The following GDF1 variants were observed in gnomAD, a reference collection of about 807,000 sequenced individuals.
The protein encoded by GDF1 is growth differentiation factor 1, also known as embryonic growth/differentiation factor 1.
In GDF1, 8 loss-of-function variants were observed where a neutral mutation model predicts 7.4. That is an observed-to-expected ratio of 1.09 (90% CI 0.64 to 1.96). The LOEUF is 1.96. Ranked by LOEUF, GDF1 falls within the 30% of genes most tolerant of loss-of-function variation. The probability of loss-of-function intolerance (pLI) is 0.00; values close to 1 mark genes in which losing one functional copy is unlikely to be tolerated. For synonymous variants in GDF1, 311 were observed against 276.7 expected (o/e 1.12, Z -1.23); for missense variants, 574 against 551.5 (o/e 1.04, Z -0.41).
Position 18,869,221 on chromosome 19 carries a change from C to T in GDF1, c.495G>A (p.Leu165=), listed in dbSNP as rs779370447. ...AAAAPEGGWE[L]SVAQAGQGAG... is the part of the protein sequence containing the mutation. The stretch of plus-strand genomic sequence containing the variant: ...CGCCCTGGCCCGCTTGCGCCACGCT[C>T]AGCTCCCAGCCGCCCTCCGGGGCTG... The change falls in exon 8 of 8, where the codon CTG becomes CTA. Residue 165 remains leucine, a synonymous_variant. Transcript: ENST00000247005. 9 of 1,355,188 alleles carry T rather than the reference C, an allele frequency of 6.6e-6. No individual in the cohort carries two copies. In the South Asian group the frequency reaches 1.4e-4, roughly 21 times the overall value. The allele number at this position is 1,355,188 out of a possible 1,614,324, so 83.9% of individuals were successfully genotyped here. A position where few individuals can be genotyped will look rare whatever the true frequency, so the allele number is the denominator to read the frequency against.
intron 4 of GDF1, 67 bp from the exon 5 acceptor site, chr19:18,879,455 T>TC: frequency 6.5e-7 from 1 of 1,527,226 alleles, no homozygotes; most frequent in African/African-American, 1.4e-5. Context: ...CCCTGTCCTA[T>TC]CCCGTCCTAG....
Position 18,878,095 on chromosome 19 carries a change from T to A in GDF1, c.-313+835A>T, listed in dbSNP as rs2056096971. ...ACGTCACGGAGCTCTGAGCCACTGC[T>A]TCCCTGAAACCATCGTTCCCACGTC... On this transcript the variant is annotated intron_variant, in intron 6 of 7. Coordinates refer to ENST00000247005, the MANE Select transcript of GDF1 (RefSeq NM_001492.6). This position sits in a 1 kb window ranked among gnomAD's most constrained non-coding sequence, Gnocchi z 4.6. 4.1e-6 allele frequency: 4 copies of A among 985,470 alleles called. No individual in the cohort carries two copies. The South Asian group carries it at 1.4e-4, about 35-fold the overall frequency. 61.0% of individuals were successfully genotyped at this position (985,470 alleles called of 1,614,324 possible).
Position 18,878,887 on chromosome 19 carries a change from C to T in GDF1, c.-313+43G>A. 6.2e-7 allele frequency: 1 copy of T among 1,604,700 alleles called. No individual in the cohort carries two copies. Among genetic ancestry groups the T allele is most frequent in the Non-Finnish European group, 8.5e-7 (1 of 1,176,250 alleles). ...CCCACGAACACGCTTGGACGGGTGACACTAAAGGAGGGAACGCGGGGTGCG... is the reference window on the plus strand; with the variant it reads ...CCCACGAACACGCTTGGACGGGTGATACTAAAGGAGGGAACGCGGGGTGCG... On this transcript the variant is annotated intron_variant, in intron 6 of 7. Transcript: ENST00000247005. The surrounding 1 kb of genome is among the most constrained non-coding windows in gnomAD (Gnocchi z 4.6).
intron 2 of GDF1, among the ~76,000 whole-genome samples, chr19:18,885,695 T>C (rs1324863484): frequency 2.0e-5 from 3 of 151,280 alleles, no homozygotes; most frequent in South Asian, 2.1e-4. Flanking sequence ...AATTTTTTTT[T>C]TTTTCAGTAG....
Position 18,868,669 on chromosome 19 carries a change from GAA to G in GDF1, c.1045_1046del (p.Phe349LeufsTer2). On this transcript the variant is annotated frameshift_variant, in exon 8 of 8. Coordinates refer to ENST00000247005, the MANE Select transcript of GDF1 (RefSeq NM_001492.6). LOFTEE classifies it low-confidence loss of function (END_TRUNC). ...GCACCACGTTGTCGCTGTTGTCAAA[GAA>G]GAGCACGGAGATGGGCGACAGGCGC... ...PARLSPISVL[F>X]FDNSDNVVLR... The G allele has an allele frequency of 6.4e-7, 1 of 1,573,630 alleles. No individual in the cohort carries two copies. Among genetic ancestry groups the G allele is most frequent in the Non-Finnish European group, 8.6e-7 (1 of 1,159,424 alleles).
chr19:18,870,358 G>A lies in GDF1; in HGVS notation c.-51C>T. ...GTGCGCAGGGTCCGCGGCGGCCCGGGACCAGTGGGCTGAGGGCGGGGCCGG... is the reference window on the plus strand; with the variant it reads ...GTGCGCAGGGTCCGCGGCGGCCCGGAACCAGTGGGCTGAGGGCGGGGCCGG... On this transcript the variant is annotated 5_prime_UTR_variant, in exon 7 of 8. Transcript: ENST00000247005. The surrounding 1 kb of genome is among the most constrained non-coding windows in gnomAD (Gnocchi z 5.1). The A allele has an allele frequency of 1.9e-6, 3 of 1,539,952 alleles. No homozygotes were observed. Among genetic ancestry groups the A allele is most frequent in the African/African-American group, 1.4e-5 (1 of 72,702 alleles).
intron 5 of GDF1, 48 bp from the exon 6 acceptor site, chr19:18,879,087 A>C: frequency 6.2e-7 from 1 of 1,602,318 alleles, no homozygotes; most frequent in African/African-American, 1.3e-5. Flanking sequence ...CCCCCACGCC[A>C]CTGCCCTGCT....
At chr19:18,873,102 A>G (rs997281009) in intron 6 of GDF1, among the ~76,000 whole-genome samples, 7 of 151,780 alleles carry the variant, frequency 4.6e-5, no homozygotes, top group Non-Finnish European at 1.0e-4. Flanking sequence ...AGGAGACAAG[A>G]CCCCCTGGGC....
At chr19:18,880,652 T>C (rs1398144327) in intron 3 of GDF1, among the ~76,000 whole-genome samples, 1 of 150,812 alleles carries the variant, frequency 6.6e-6, no homozygotes, top group Non-Finnish European at 1.5e-5. Flanking sequence ...AACCAGACCC[T>C]CATCTTCCCT....
At chr19:18,879,491 C>T (rs2056141372) in intron 4 of GDF1, 103 bp from the exon 5 acceptor site, 2 of 1,356,170 alleles carry the variant, frequency 1.5e-6, no homozygotes, top group South Asian at 1.4e-5. Context: ...CTTATCCCAT[C>T]CTTGCCCACC....
chr19:18,879,044 G>A lies in GDF1; in HGVS notation c.-422-5C>T, dbSNP rs749752973. The A allele has an allele frequency of 1.1e-5, 18 of 1,612,840 alleles. No individual in the cohort carries two copies. The highest frequency in any genetic ancestry group is 4.5e-5 in the East Asian group (2 of 44,884). ...GGCTGCAAACGCCACGATGTACTGCGAGAGGGGAGGGGAGGTGCCAGTGAG... is the reference window on the plus strand; with the variant it reads ...GGCTGCAAACGCCACGATGTACTGCAAGAGGGGAGGGGAGGTGCCAGTGAG... On this transcript the variant is annotated splice_polypyrimidine_tract_variant and splice_region_variant and intron_variant, in intron 5 of 7. Coordinates refer to ENST00000247005, the MANE Select transcript of GDF1 (RefSeq NM_001492.6).
rs759864943 is a variant in GDF1, at chr19:18,878,126, T to A, written c.-313+804A>T. On this transcript the variant is annotated intron_variant, in intron 6 of 7. Coordinates refer to ENST00000247005, the MANE Select transcript of GDF1 (RefSeq NM_001492.6). The surrounding 1 kb of genome is among the most constrained non-coding windows in gnomAD (Gnocchi z 4.6). ...GAAACCATCGTTCCCACGTCACCGA[T>A]GGCCCCCACCGGCCAAATCAGAGGG... 8 of 985,482 alleles carry A rather than the reference T, an allele frequency of 8.1e-6. No individual in the cohort carries two copies. Among genetic ancestry groups the A allele is most frequent in the Non-Finnish European group, 9.6e-6 (8 of 830,012 alleles). 61.0% of individuals were successfully genotyped at this position (985,482 alleles called of 1,614,324 possible).
At chr19:18,883,865 C>T (rs1189386740) in intron 3 of GDF1, among the ~76,000 whole-genome samples, 2 of 152,168 alleles carry the variant, frequency 1.3e-5, no homozygotes, top group Non-Finnish European at 2.9e-5. Flanking sequence ...CCCATCCCAG[C>T]GGAATCTCCC....
At chr19:18,890,147 G>C (rs2056455898) in intron 2 of GDF1, among the ~76,000 whole-genome samples, 1 of 152,160 alleles carries the variant, frequency 6.6e-6, no homozygotes, top group Admixed American at 6.5e-5. Flanking sequence ...CACTTGCCTG[G>C]ACAGCAGTCC....
chr19:18,882,907 G>C (rs1261724424), intron 3 of GDF1, among the ~76,000 whole-genome samples: 1 of 152,044 alleles, frequency 6.6e-6, no homozygotes, highest in East Asian at 1.9e-4. Flanking sequence ...TAGCCAGGAT[G>C]GTCTCGATCT....
At chr19:18,892,178 G>A (rs1189992892) in intron 2 of GDF1, among the ~76,000 whole-genome samples, 8 of 151,800 alleles carry the variant, frequency 5.3e-5, no homozygotes, top group Admixed American at 2.6e-4. Context: ...GATAACAGGC[G>A]TGAGCCATCG....
Position 18,896,020 on chromosome 19 carries a change from C to G in GDF1, c.-1270G>C, listed in dbSNP as rs2056618569. On this transcript the variant is annotated 5_prime_UTR_variant, in exon 1 of 8. Transcript: ENST00000247005. The surrounding 1 kb of genome is among the most constrained non-coding windows in gnomAD (Gnocchi z 5.9). ...GCCGCGCTGCACTAGCTGCGCGTAG[C>G]TCGGCATGGGCTCGGGCCCCGTCGG... The G allele has an allele frequency of 5.0e-6, 5 of 1,006,774 alleles. No homozygotes were observed. Among genetic ancestry groups the G allele is most frequent in the Non-Finnish European group, 4.7e-6 (4 of 844,892 alleles). 62.4% of individuals were successfully genotyped at this position (1,006,774 alleles called of 1,614,324 possible).
chr19:18,876,677 G>A (rs780244860), intron 6 of GDF1, among the ~76,000 whole-genome samples: 10 of 151,984 alleles, frequency 6.6e-5, no homozygotes, highest in East Asian at 1.9e-4. Flanking sequence ...GAGCCACCAC[G>A]CCTGGCCAAA....
In GDF1 at chr19:18,896,150, G is replaced by T. The variant is rs1158869381; in HGVS notation, c.-1400C>A. 5 of 517,286 alleles carry T rather than the reference G, an allele frequency of 9.7e-6. No individual in the cohort carries two copies. The highest frequency in any genetic ancestry group is 1.2e-5 in the Non-Finnish European group (5 of 405,934). 32.0% of individuals were successfully genotyped at this position (517,286 alleles called of 1,614,324 possible). ...CGGAGCCGCGCGCCCCGCGTCACGC[G>T]CCGCAGCTGGGCCGGGGGCGCGCGG... On this transcript the variant is annotated 5_prime_UTR_variant, in exon 1 of 8. Transcript: ENST00000247005. The surrounding 1 kb of genome is among the most constrained non-coding windows in gnomAD (Gnocchi z 5.9).
Sources: gnomAD v4.1 joint callset for allele counts (sites outside exome capture counted in the v4.1 genomes callset) on GRCh38, gnomAD v4.1.1 for gene constraint, Gnocchi (gnomAD v3.1) non-coding constraint, MANE v1.5 for transcripts, NCBI Gene and HGNC (gene_info 2026-07-23, HGNC 2026-07-21) for gene names.